VWA8: variants seen among roughly 807,000 people sequenced by gnomAD.
VWA8 encodes von Willebrand factor A domain-containing protein 8.
Under a neutral mutation model 241.5 loss-of-function variants are expected in VWA8, and 221 were observed. The ratio of observed to expected loss-of-function variants is 0.91; its 90% CI spans 0.82 to 1.02. VWA8 has a LOEUF of 1.02. Among genes scored for constraint, VWA8 ranks in the 50% least tolerant of loss-of-function variants. The pLI is 0.00. For synonymous variants in VWA8, 852 were observed against 827.1 expected (o/e 1.03, Z -0.52); for missense variants, 2,322 against 2,328.7 (o/e 1.00, Z 0.06).
At chr13:41,754,591 G>C (rs1006838781) in intron 21 of VWA8, among the ~76,000 whole-genome samples, 2 of 152,052 alleles carry the variant, frequency 1.3e-5, no homozygotes, top group Non-Finnish European at 2.9e-5. Flanking sequence ...TTTATCCTTT[G>C]TGTTACAAAC....
At chr13:41,655,489 C>A (rs1048884344) in intron 37 of VWA8, among the ~76,000 whole-genome samples, 1 of 148,208 alleles carries the variant, frequency 6.7e-6, no homozygotes, top group African/African-American at 2.5e-5. Context: ...TACAGAGAGA[C>A]AGAGAGAGAG....
chr13:41,631,327 C>A (rs1566394755), intron 37 of VWA8, among the ~76,000 whole-genome samples: 1 of 152,018 alleles, frequency 6.6e-6, no homozygotes, highest in East Asian at 1.9e-4. Flanking sequence ...GCTTAGAGAG[C>A]CATCTTCTAA....
At chr13:41,817,822 T>C (rs1870763777) in intron 15 of VWA8, among the ~76,000 whole-genome samples, 1 of 152,220 alleles carries the variant, frequency 6.6e-6, no homozygotes, top group African/African-American at 2.4e-5. Flanking sequence ...TGTATTTAAA[T>C]AGAAAGTTAA....
rs944534434 is a variant in VWA8, at chr13:41,701,559, A to T, written c.3226-29T>A. 4 of 1,507,648 alleles carry T rather than the reference A, an allele frequency of 2.7e-6. No individual in the cohort carries two copies. The Admixed American group carries it at 9.6e-5, about 36-fold the overall frequency. 93.4% of individuals were successfully genotyped at this position (1,507,648 alleles called of 1,614,324 possible). ...TAATAAAGCAGTTATCTCAGTTAAG[A>T]TATTTTGGTTGTCACCAAAATGTAG... On this transcript the variant is annotated intron_variant, in intron 27 of 44. Transcript: ENST00000379310.
At chr13:41,951,632 T>C (rs1878144776) in intron 1 of VWA8, among the ~76,000 whole-genome samples, 2 of 152,176 alleles carry the variant, frequency 1.3e-5, no homozygotes, top group Non-Finnish European at 1.5e-5. Flanking sequence ...AGAATTTCAT[T>C]TGGAAAGGGC....
At chr13:41,711,731 G>A (rs934588059) in intron 26 of VWA8, among the ~76,000 whole-genome samples, 2 of 151,998 alleles carry the variant, frequency 1.3e-5, no homozygotes, top group Non-Finnish European at 2.9e-5. Context: ...AAAATTAGCG[G>A]GGCGTGGTGG....
At chr13:41,571,562 C>T (rs1344711118) in intron 43 of VWA8, among the ~76,000 whole-genome samples, 3 of 152,212 alleles carry the variant, frequency 2.0e-5, no homozygotes, top group African/African-American at 7.2e-5. Flanking sequence ...GTTGGCCGGG[C>T]TGGTCTCCAG....
At chr13:41,643,948 G>A (rs1208393310) in intron 37 of VWA8, among the ~76,000 whole-genome samples, 1 of 152,090 alleles carries the variant, frequency 6.6e-6, no homozygotes, top group Non-Finnish European at 1.5e-5. Context: ...TAGTAAGTGA[G>A]TTTTTGGCAA....
At chr13:41,906,369 C>A (rs2138106298) in intron 4 of VWA8, among the ~76,000 whole-genome samples, 1 of 152,230 alleles carries the variant, frequency 6.6e-6, no homozygotes, top group East Asian at 1.9e-4. Context: ...GTTAACTGCT[C>A]CTTGTGCATC....
intron 12 of VWA8, among the ~76,000 whole-genome samples, chr13:41,839,312 T>A (rs1403020381): frequency 6.6e-6 from 1 of 152,236 alleles, no homozygotes; most frequent in Admixed American, 6.5e-5. Context: ...AAAGTGACTG[T>A]TCATATCCTT....
chr13:41,833,997 C>T (rs1871602513), intron 12 of VWA8, among the ~76,000 whole-genome samples: 1 of 152,160 alleles, frequency 6.6e-6, no homozygotes, highest in African/African-American at 2.4e-5. Flanking sequence ...CATTTTCTAG[C>T]AGTTGATGAG....
intron 2 of VWA8, among the ~76,000 whole-genome samples, chr13:41,914,346 T>A (rs748099805): frequency 4.7e-4 from 71 of 152,202 alleles, no homozygotes; most frequent in Non-Finnish European, 9.1e-4. Flanking sequence ...CTATACTTTT[T>A]AGCAATCTAT....
At chr13:41,946,822 T>G (rs979833265) in intron 2 of VWA8, among the ~76,000 whole-genome samples, 3 of 152,174 alleles carry the variant, frequency 2.0e-5, no homozygotes, top group Admixed American at 1.3e-4. Flanking sequence ...TAGTCAGGTT[T>G]CTAAACCTTT....
At chr13:41,605,306 A>G in intron 39 of VWA8, 30 bp from the exon 40 acceptor site, 2 of 1,605,468 alleles carry the variant, frequency 1.2e-6, no homozygotes, top group Non-Finnish European at 1.7e-6. Context: ...AAAAGTTAAC[A>G]GCTTAAATCA....
intron 12 of VWA8, among the ~76,000 whole-genome samples, chr13:41,839,394 T>C (rs1389800473): frequency 6.6e-6 from 1 of 152,214 alleles, no homozygotes; most frequent in Admixed American, 6.5e-5. Flanking sequence ...TATTAGATCT[T>C]TGTCAGATGG....
intron 21 of VWA8, among the ~76,000 whole-genome samples, chr13:41,739,839 G>GTTTTTTTTT (rs1417524214): frequency 6.9e-5 from 3 of 43,586 alleles, no homozygotes; most frequent in Non-Finnish European, 4.8e-5. Context: ...TTTTTTTTTT[G>GTTTTTTTTT]TTTTTTTTGT....
intron 42 of VWA8, among the ~76,000 whole-genome samples, chr13:41,578,050 T>G (rs1053568688): frequency 5.3e-5 from 8 of 152,200 alleles, no homozygotes; most frequent in Admixed American, 5.2e-4. Context: ...ATCTACCATT[T>G]AAATATATGC....
chr13:41,817,586 T>G (rs1870753500), intron 15 of VWA8, among the ~76,000 whole-genome samples: 1 of 152,240 alleles, frequency 6.6e-6, no homozygotes, highest in Admixed American at 6.5e-5. Flanking sequence ...ATACTTTGTT[T>G]CATTTATTCT....
intron 12 of VWA8, among the ~76,000 whole-genome samples, chr13:41,840,824 C>T (rs1218796420): frequency 4.0e-5 from 6 of 151,078 alleles, no homozygotes; most frequent in Non-Finnish European, 8.8e-5. Flanking sequence ...AGCAGCACCA[C>T]AATTCTTGAT....
Sources: allele counts gnomAD v4.1 joint callset (sites outside exome capture counted in the v4.1 genomes callset), GRCh38; gene constraint gnomAD v4.1.1; transcripts MANE v1.5; gene names NCBI Gene and HGNC (gene_info 2026-07-23, HGNC 2026-07-21).